Variants in ZMIZ1 observed in about 807,000 individuals in gnomAD.
ZMIZ1 encodes the protein zinc finger MIZ domain-containing protein 1.
ZMIZ1 carries 17 observed loss-of-function variants against 113.9 expected under a neutral mutation model. The ratio of observed to expected loss-of-function variants is 0.15; its 90% CI spans 0.10 to 0.22. ZMIZ1 has a LOEUF of 0.22. Ranked by LOEUF, ZMIZ1 falls within the 10% of genes least tolerant of loss-of-function variation. The pLI is 1.00. For synonymous variants in ZMIZ1, 607 were observed against 603.1 expected (o/e 1.01, Z -0.09); for missense variants, 1,059 against 1,477.8 (o/e 0.72, Z 4.65).
intron 22 of ZMIZ1, among the ~76,000 whole-genome samples, chr10:79,307,073 G>A (rs550468112): frequency 1.3e-5 from 2 of 152,276 alleles, no homozygotes; most frequent in East Asian, 3.9e-4. Flanking sequence ...GGTATGAAAA[G>A]TGCCCACATT....
intron 3 of ZMIZ1, among the ~76,000 whole-genome samples, chr10:79,152,648 A>C (rs528374050): frequency 3.0e-4 from 46 of 152,354 alleles, no homozygotes; most frequent in African/African-American, 1.1e-3. Context: ...CCCAGGCAGC[A>C]CTGTGGGCTG....
chr10:79,189,745 T>C (rs1847519063), intron 4 of ZMIZ1, among the ~76,000 whole-genome samples: 1 of 152,198 alleles, frequency 6.6e-6, no homozygotes, highest in Non-Finnish European at 1.5e-5. Context: ...GACTTTCAAG[T>C]CACCAGGCAG....
chr10:79,138,018 A>G (rs1038144892), intron 2 of ZMIZ1, among the ~76,000 whole-genome samples: 5 of 151,654 alleles, frequency 3.3e-5, no homozygotes, highest in African/African-American at 4.9e-5. Context: ...CGACCCCCAC[A>G]CTCTCCTTCA....
intron 4 of ZMIZ1, among the ~76,000 whole-genome samples, chr10:79,188,574 C>T (rs1049176929): frequency 2.0e-5 from 3 of 152,238 alleles, no homozygotes; most frequent in African/African-American, 7.2e-5. Context: ...CTGGTCACGC[C>T]TTTGTGGCCA....
At chr10:79,201,447 A>G in intron 4 of ZMIZ1, 137 bp from the exon 5 acceptor site, 3 of 655,354 alleles carry the variant, frequency 4.6e-6, no homozygotes, top group Non-Finnish European at 8.0e-6. Flanking sequence ...CCAGTGGGGT[A>G]CCCCAGGTGC....
chr10:79,244,279 C>G (rs1850061955), intron 7 of ZMIZ1, among the ~76,000 whole-genome samples: 1 of 152,192 alleles, frequency 6.6e-6, no homozygotes, highest in Admixed American at 6.5e-5. Flanking sequence ...GGCAAGCTGG[C>G]TAGAGGAGAG....
Position 79,293,398 on chromosome 10 carries a change from G to C in ZMIZ1, c.975G>C (p.Ala325=). 6.6e-7 allele frequency: 1 copy of C among 1,516,166 alleles called. No individual in the cohort carries two copies. 93.9% of individuals were successfully genotyped at this position (1,516,166 alleles called of 1,614,324 possible). A position where few individuals can be genotyped will look rare whatever the true frequency, so the allele number is the denominator to read the frequency against. Residue 325 remains alanine (A), a synonymous_variant, in exon 12 of 25, where the codon GCG becomes GCC. Transcript: ENST00000334512. ...NQYGPMGPTQ[A]YNSQFMNQPG... ...CTTTCCAGATGGGTCCCACCCAGGC[G>C]TATAACAGCCAATTCATGAACCAGC...
intron 4 of ZMIZ1, among the ~76,000 whole-genome samples, chr10:79,174,987 T>G (rs189430455): frequency 3.0e-4 from 45 of 152,340 alleles, no homozygotes; most frequent in African/African-American, 8.9e-4. Context: ...GGCCTCTCTC[T>G]GAGCGTGAGC....
chr10:79,093,721 C>CCT (rs763178513), intron 1 of ZMIZ1, among the ~76,000 whole-genome samples: 59 of 152,294 alleles, frequency 3.9e-4, no homozygotes, highest in Non-Finnish European at 7.9e-4. Flanking sequence ...TGAATGCAGG[C>CCT]CTGTGAGTTT....
At chr10:79,237,414 G>A (rs1320911713) in intron 7 of ZMIZ1, among the ~76,000 whole-genome samples, 1 of 152,164 alleles carries the variant, frequency 6.6e-6, no homozygotes, top group African/African-American at 2.4e-5. Flanking sequence ...GCCACACAGC[G>A]GGTGGCTTAC....
chr10:79,223,219 A>G (rs1849054938), intron 7 of ZMIZ1, among the ~76,000 whole-genome samples: 1 of 152,262 alleles, frequency 6.6e-6, no homozygotes, highest in African/African-American at 2.4e-5. Context: ...GCTCTGCGTG[A>G]AAAACAGCTC....
intron 7 of ZMIZ1, among the ~76,000 whole-genome samples, chr10:79,219,648 A>G (rs1848880793): frequency 6.6e-6 from 1 of 151,982 alleles, no homozygotes; most frequent in Non-Finnish European, 1.5e-5. Context: ...CTCCATCTGC[A>G]CCCCTGCTTG....
At chr10:79,162,258 G>C (rs1225114956) in intron 4 of ZMIZ1, 125 bp downstream of exon 4, 1 of 396,844 alleles carries the variant, frequency 2.5e-6, no homozygotes, top group Non-Finnish European at 4.4e-6. Flanking sequence ...GGGCAGGAGC[G>C]GGCACAAGCC....
At chr10:79,241,432 G>A (rs1481035233) in intron 7 of ZMIZ1, among the ~76,000 whole-genome samples, 1 of 152,176 alleles carries the variant, frequency 6.6e-6, no homozygotes, top group African/African-American at 2.4e-5. Flanking sequence ...AGATGAGATG[G>A]AGGTGAGGAT....
In ZMIZ1 at chr10:79,293,614, C is replaced by G. The variant is rs762973281; in HGVS notation, c.1191C>G (p.Ser397=). 1 of 1,613,032 alleles carries G rather than the reference C, an allele frequency of 6.2e-7. No homozygotes were observed. Among genetic ancestry groups the G allele is most frequent in the Admixed American group, 1.7e-5 (1 of 60,014 alleles). The change falls in exon 12 of 25, where the codon TCC becomes TCG. Residue 397 remains serine, a synonymous_variant. Coordinates refer to ENST00000334512, the MANE Select transcript of ZMIZ1 (RefSeq NM_020338.4). Reference sequence around the variant, plus strand: ...CCTACCCGGGCCCCCGGCCCCAGTCCCTTCCTATTCAGAACATAAAGAGGC... The same window carrying G: ...CCTACCCGGGCCCCCGGCCCCAGTCGCTTCCTATTCAGAACATAAAGAGGC... ...QQTYPGPRPQ[S]LPIQNIKRPY...
At position 79,312,704 on chromosome 10, in the gene ZMIZ1, G is replaced by A. The variant is rs148303903; in HGVS notation, c.3159G>A (p.Pro1053=). Residue 1053 remains proline, a synonymous_variant, in exon 25 of 25, where the codon CCG becomes CCA. Transcript: ENST00000334512. The stretch of plus-strand genomic sequence containing the variant: ...CTTATCTGGACCCCCCCGACCTGCC[G>A]AGCAATAGTAACGATGACCTCCTGT... The part of the protein sequence containing the change: ...LLSYLDPPDL[P]SNSNDDLLSL... 2.4e-5 allele frequency: 39 copies of A among 1,614,044 alleles called. No individual in the cohort carries two copies. Among genetic ancestry groups the A allele is most frequent in the African/African-American group, 4.0e-5 (3 of 74,908 alleles).
intron 4 of ZMIZ1, among the ~76,000 whole-genome samples, chr10:79,189,932 T>G (rs1037393589): frequency 6.6e-6 from 1 of 152,148 alleles, no homozygotes; most frequent in Admixed American, 6.5e-5. Flanking sequence ...ACCCAGAGAC[T>G]CCACTAAATG....
intron 7 of ZMIZ1, among the ~76,000 whole-genome samples, chr10:79,226,724 G>C (rs1405088386): frequency 6.6e-6 from 1 of 152,208 alleles, no homozygotes; most frequent in Non-Finnish European, 1.5e-5. Flanking sequence ...ACCAAGTGTT[G>C]CAAGCCACAG....
intron 4 of ZMIZ1, among the ~76,000 whole-genome samples, chr10:79,170,365 G>A (rs986324167): frequency 2.6e-5 from 4 of 152,152 alleles, no homozygotes; most frequent in African/African-American, 7.2e-5. Flanking sequence ...CCTCTACCAG[G>A]GGCAGATCTG....
Sources: gnomAD v4.1 joint callset for allele counts (sites outside exome capture counted in the v4.1 genomes callset) on GRCh38, gnomAD v4.1.1 for gene constraint, MANE v1.5 for transcripts, NCBI Gene and HGNC (gene_info 2026-07-23, HGNC 2026-07-21) for gene names.